Variants in TCF12 observed in about 807,000 individuals in gnomAD.
TCF12 encodes DNA-binding protein HTF4.
Under a neutral mutation model 86.0 loss-of-function variants are expected in TCF12, and 45 were observed. That is an observed-to-expected ratio of 0.52 (90% confidence interval 0.41 to 0.67). The LOEUF is 0.67. TCF12 is among the 30% of genes least tolerant of loss of function. TCF12 has a pLI of 0.00. For synonymous variants in TCF12, 330 were observed against 299.6 expected, an observed-to-expected ratio of 1.10 and a Z score of -1.05; for missense variants, 881 against 859.9, an observed-to-expected ratio of 1.02 and a Z score of -0.31.
intron 3 of TCF12, among the ~76,000 whole-genome samples, chr15:56,936,536 G>A (rs947261156): frequency 1.3e-5 from 2 of 152,104 alleles, no homozygotes; most frequent in Non-Finnish European, 2.9e-5. Flanking sequence ...TGGGTTCTTG[G>A]TCATGAAGTC....
At chr15:57,187,659 T>C (rs2593238) in intron 6 of TCF12, among the ~76,000 whole-genome samples, 69,638 of 152,014 alleles carry the variant, frequency 0.46, 16,718 homozygotes, top group Non-Finnish European at 0.54. Context: ...TGGCTGGGCA[T>C]GGTGGCTCAT....
At chr15:57,244,822 T>A (rs1281625794) in intron 13 of TCF12, among the ~76,000 whole-genome samples, 2 of 152,072 alleles carry the variant, frequency 1.3e-5, no homozygotes, top group Non-Finnish European at 2.9e-5. Flanking sequence ...CTAAATACTA[T>A]CCTACAGTAT....
At chr15:57,240,319 A>G (rs938269759) in intron 12 of TCF12, among the ~76,000 whole-genome samples, 2 of 152,190 alleles carry the variant, frequency 1.3e-5, no homozygotes, top group Admixed American at 6.6e-5. Flanking sequence ...ACAAATGTAG[A>G]TGATTAGAAA....
rs531807744 is a variant in TCF12 at position 57,250,138 on chromosome 15, T to C, written c.1115-1212T>C. 3.3e-5 allele frequency among the ~76,000 whole-genome samples: 5 copies of C among 152,324 alleles called. No individual in the cohort carries two copies. In the East Asian group the frequency reaches 9.6e-4, roughly 29 times the overall value. ...ACATTTTCCTAATTAATGTATTTGG[T>C]ATAAACTATTTTGGGAAATTTTTTA... On this transcript the variant is annotated intron_variant, in intron 13 of 20. Transcript: ENST00000333725.
intron 5 of TCF12, among the ~76,000 whole-genome samples, chr15:57,144,080 A>G (rs1181634992): frequency 2.0e-5 from 3 of 152,246 alleles, no homozygotes; most frequent in African/African-American, 7.2e-5. Context: ...CCACCTTCAC[A>G]TGCACTGGGA....
intron 4 of TCF12, among the ~76,000 whole-genome samples, chr15:57,068,698 A>C (rs1299795485): frequency 6.6e-6 from 1 of 152,200 alleles, no homozygotes; most frequent in African/African-American, 2.4e-5. Flanking sequence ...GGAAGGAAAG[A>C]ATCAAAGTTG....
At chr15:57,136,550 T>C (rs78527772) in intron 5 of TCF12, among the ~76,000 whole-genome samples, 1,765 of 152,342 alleles carry the variant, frequency 0.012, 33 homozygotes, top group African/African-American at 0.04. Context: ...CAATTTCTAG[T>C]GTATTATCTC....
Position 56,919,988 on chromosome 15 carries a change from G to T in TCF12, c.75G>T (p.Ala25=). The T allele has an allele frequency of 6.2e-7, 1 of 1,613,940 alleles. No individual in the cohort carries two copies. Among genetic ancestry groups the T allele is most frequent in the Non-Finnish European group, 8.5e-7 (1 of 1,179,906 alleles). Residue 25 remains alanine, a splice_region_variant and synonymous_variant, in exon 2 of 21, where the codon GCG becomes GCT. Transcript: ENST00000333725. ...TGAGCGACCTACTGGACTTCAGTGC[G>T]GTATGAGAGCTTTCCATGGCATCTT... ...KELSDLLDFS[A]MFSPPVNSGK...
chr15:56,977,126 A>T (rs1350863105), intron 3 of TCF12, among the ~76,000 whole-genome samples: 2 of 152,194 alleles, frequency 1.3e-5, no homozygotes, highest in Non-Finnish European at 2.9e-5. Context: ...AAAATGGGTG[A>T]CTTAAAATAA....
chr15:56,983,423 G>GT (rs1185057376), intron 3 of TCF12, among the ~76,000 whole-genome samples: 4 of 151,980 alleles, frequency 2.6e-5, no homozygotes, highest in South Asian at 2.1e-4. Flanking sequence ...ATATAAACCT[G>GT]TTTTTTAAAA....
At chr15:57,244,283 G>A (rs568886724) in intron 13 of TCF12, among the ~76,000 whole-genome samples, 2 of 152,218 alleles carry the variant, frequency 1.3e-5, no homozygotes, top group South Asian at 2.1e-4. Flanking sequence ...CATGTACTAC[G>A]GGTAAGATTC....
intron 5 of TCF12, among the ~76,000 whole-genome samples, chr15:57,112,903 GA>G (rs1337349940): frequency 1.3e-5 from 2 of 151,586 alleles, no homozygotes; most frequent in Admixed American, 6.6e-5. Context: ...ATTTGAGTAG[GA>G]AAAAAAATAA....
At position 57,267,996 on chromosome 15, in the gene TCF12, T is replaced by G. The variant is rs543576803; in HGVS notation, c.1745+4722T>G. 2.0e-5 allele frequency among the ~76,000 whole-genome samples: 3 copies of G among 152,304 alleles called. No individual in the cohort carries two copies. In the East Asian group the frequency reaches 5.8e-4, roughly 29 times the overall value. The stretch of plus-strand genomic sequence containing the variant: ...CACTCAATAAAGATACTATATCTAC[T>G]GTTACAGTGGTAGTGTTATGGTGGT... On this transcript the variant is annotated intron_variant, in intron 18 of 20. Coordinates refer to ENST00000333725, the MANE Select transcript of TCF12 (RefSeq NM_207037.2).
chr15:57,112,174 G>T (rs1311327590), intron 5 of TCF12, among the ~76,000 whole-genome samples: 1 of 152,202 alleles, frequency 6.6e-6, no homozygotes, highest in Non-Finnish European at 1.5e-5. Context: ...TGACAGCTGA[G>T]GGCTCTAGCT....
chr15:57,138,202 T>G (rs1327275615), intron 5 of TCF12, among the ~76,000 whole-genome samples: 3 of 152,202 alleles, frequency 2.0e-5, no homozygotes, highest in African/African-American at 7.2e-5. Context: ...TGGCTAAATA[T>G]TTCATGAAAT....
chr15:57,181,733 T>C (rs539318514), intron 6 of TCF12, among the ~76,000 whole-genome samples: 17 of 152,334 alleles, frequency 1.1e-4, no homozygotes, highest in African/African-American at 4.1e-4. Context: ...AAGTTCCTTA[T>C]TTTTAAAAAT....
intron 6 of TCF12, among the ~76,000 whole-genome samples, chr15:57,191,794 C>A (rs2056991532): frequency 6.6e-6 from 1 of 151,924 alleles, no homozygotes; most frequent in Admixed American, 6.6e-5. Context: ...AAAAATTAGG[C>A]ATGGTGGTGC....
intron 5 of TCF12, among the ~76,000 whole-genome samples, chr15:57,155,631 C>T (rs1189117641): frequency 3.9e-5 from 6 of 152,070 alleles, no homozygotes; most frequent in Non-Finnish European, 8.8e-5. Flanking sequence ...CCCATCTCTA[C>T]AAAAATGTTG....
intron 6 of TCF12, among the ~76,000 whole-genome samples, chr15:57,166,944 T>C (rs1404069258): frequency 6.6e-6 from 1 of 152,240 alleles, no homozygotes; most frequent in African/African-American, 2.4e-5. Context: ...TTCTCTAGCA[T>C]TTTGTGCTTC....
Sources: allele counts gnomAD v4.1 joint callset (sites outside exome capture counted in the v4.1 genomes callset), GRCh38; gene constraint gnomAD v4.1.1; transcripts MANE v1.5; gene names NCBI Gene and HGNC (gene_info 2026-07-23, HGNC 2026-07-21).